GULP1: variants seen among roughly 807,000 people sequenced by gnomAD.
The protein encoded by GULP1 is PTB domain-containing engulfment adapter protein 1.
GULP1 carries 19 observed loss-of-function variants against 40.9 expected under a neutral mutation model. The ratio of observed to expected loss-of-function variants is 0.46; its 90% confidence interval spans 0.32 to 0.68. The LOEUF (loss-of-function observed/expected upper bound fraction) is 0.68. GULP1 is among the 30% of genes least tolerant of loss of function. The pLI is 0.03. For missense variants in GULP1, 312 were observed against 362.2 expected (o/e 0.86, Z 1.12); for synonymous variants, 119 against 117.6 (o/e 1.01, Z -0.08).
chr2:188,486,453 T>C (rs932943809), intron 4 of GULP1, among the ~76,000 whole-genome samples: 4 of 152,008 alleles, frequency 2.6e-5, no homozygotes, highest in Non-Finnish European at 4.4e-5. Context: ...CATCCACTGG[T>C]TACAAATTAA....
chr2:188,315,996 T>C (rs1209550326), intron 1 of GULP1, among the ~76,000 whole-genome samples: 2 of 151,938 alleles, frequency 1.3e-5, no homozygotes, highest in Non-Finnish European at 2.9e-5. Context: ...TATGAGTAAA[T>C]TGCTGCTATG....
intron 1 of GULP1, among the ~76,000 whole-genome samples, chr2:188,300,554 T>A (rs761430523): frequency 5.3e-5 from 8 of 152,180 alleles, no homozygotes; most frequent in Non-Finnish European, 7.4e-5. Flanking sequence ...AATTACTATC[T>A]TATGAAGGGG....
intron 2 of GULP1, among the ~76,000 whole-genome samples, chr2:188,449,459 A>C (rs2058661439): frequency 1.3e-5 from 2 of 152,074 alleles, no homozygotes; most frequent in Admixed American, 1.3e-4. Flanking sequence ...TTGCTCACTA[A>C]GGATATTGTG....
chr2:188,576,073 G>A (rs1700121945), intron 9 of GULP1, among the ~76,000 whole-genome samples: 1 of 152,056 alleles, frequency 6.6e-6, no homozygotes, highest in Non-Finnish European at 1.5e-5. Flanking sequence ...GGGAAGTGAT[G>A]CCATTTTCTG....
intron 2 of GULP1, among the ~76,000 whole-genome samples, chr2:188,458,164 T>G (rs1234619058): frequency 1.3e-5 from 2 of 152,192 alleles, no homozygotes; most frequent in African/African-American, 4.8e-5. Flanking sequence ...TCCCTTCTCT[T>G]ATGCTGAATG....
At chr2:188,374,390 AG>A (rs1459518054) in intron 1 of GULP1, among the ~76,000 whole-genome samples, 1 of 152,142 alleles carries the variant, frequency 6.6e-6, no homozygotes, top group Non-Finnish European at 1.5e-5. Flanking sequence ...GTTAAGCCAA[AG>A]AATATGCATT....
At chr2:188,578,923 CA>C (rs992000071) in intron 9 of GULP1, among the ~76,000 whole-genome samples, 13 of 151,428 alleles carry the variant, frequency 8.6e-5, no homozygotes, top group African/African-American at 3.2e-4. Flanking sequence ...AAATAGCAGC[CA>C]AAAAAAAGAC....
At chr2:188,544,694 A>G (rs1363082011) in intron 7 of GULP1, among the ~76,000 whole-genome samples, 1 of 151,972 alleles carries the variant, frequency 6.6e-6, no homozygotes, top group Non-Finnish European at 1.5e-5. Context: ...TGAACAAGAC[A>G]AAGATTATAG....
intron 9 of GULP1, among the ~76,000 whole-genome samples, chr2:188,571,842 G>T (rs1466831444): frequency 6.6e-6 from 1 of 152,146 alleles, no homozygotes; most frequent in Non-Finnish European, 1.5e-5. Flanking sequence ...GTTGTTTCTG[G>T]AATTCATCAC....
chr2:188,352,716 G>C (rs1405616818), intron 1 of GULP1, among the ~76,000 whole-genome samples: 1 of 150,996 alleles, frequency 6.6e-6, no homozygotes, highest in Non-Finnish European at 1.5e-5. Context: ...TTAAACTTAT[G>C]TGTATGTTTC....
At chr2:188,359,298 A>G (rs186159389) in intron 1 of GULP1, among the ~76,000 whole-genome samples, 12 of 152,276 alleles carry the variant, frequency 7.9e-5, no homozygotes, top group Middle Eastern at 6.8e-3. Context: ...AGTGATGAGC[A>G]AAGAAGATGT....
chr2:188,394,916 A>G (rs1390644640), intron 2 of GULP1, among the ~76,000 whole-genome samples: 1 of 152,172 alleles, frequency 6.6e-6, no homozygotes, highest in Non-Finnish European at 1.5e-5. Context: ...GGAATGGCAA[A>G]GGCCTCTTGA....
At chr2:188,483,264 A>G (rs1254922695) in intron 3 of GULP1, among the ~76,000 whole-genome samples, 167 bp from the exon 4 acceptor site, 1 of 152,044 alleles carries the variant, frequency 6.6e-6, no homozygotes, top group Admixed American at 6.6e-5. Flanking sequence ...TCCTATAATC[A>G]CGCCCCAACT....
intron 7 of GULP1, among the ~76,000 whole-genome samples, chr2:188,564,657 T>G (rs1487165422): frequency 6.6e-6 from 1 of 151,874 alleles, no homozygotes; most frequent in African/African-American, 2.4e-5. Context: ...GATCGATCCA[T>G]GGATTCAATA....
chr2:188,443,222 C>T (rs12470609), intron 2 of GULP1, among the ~76,000 whole-genome samples: 11,294 of 152,074 alleles, frequency 0.074, 563 homozygotes, highest in Admixed American at 0.11. Context: ...TTCACCCTTT[C>T]CTGACTTAAC....
intron 2 of GULP1, among the ~76,000 whole-genome samples, chr2:188,463,324 ATT>A (rs2059861572): frequency 2.0e-5 from 3 of 152,126 alleles, no homozygotes; most frequent in Non-Finnish European, 2.9e-5. Context: ...CAGCACTTTA[ATT>A]ATGTCATGCC....
chr2:188,592,495 T>C (rs1177329380), intron 11 of GULP1: 1 of 152,020 alleles, frequency 6.6e-6, no homozygotes, highest in Non-Finnish European at 1.5e-5. Flanking sequence ...TAAGAATAGA[T>C]TTTTAAAAAA....
chr2:188,462,251 T>C (rs1287942930), intron 2 of GULP1, among the ~76,000 whole-genome samples: 2 of 152,306 alleles, frequency 1.3e-5, no homozygotes, highest in Admixed American at 6.5e-5. Context: ...TTTTCTCTTA[T>C]TGATTTCTAC....
intron 5 of GULP1, among the ~76,000 whole-genome samples, chr2:188,527,317 A>G (rs945777882): frequency 3.9e-5 from 6 of 152,168 alleles, no homozygotes; most frequent in Non-Finnish European, 8.8e-5. Flanking sequence ...CCTGGAAAAC[A>G]GCAGCACCTA....
Sources: gnomAD v4.1 joint callset for allele counts (sites outside exome capture counted in the v4.1 genomes callset) on GRCh38, gnomAD v4.1.1 for gene constraint, MANE v1.5 for transcripts, NCBI Gene and HGNC (gene_info 2026-07-23, HGNC 2026-07-21) for gene names.